CSMD3: variants seen among roughly 807,000 people sequenced by gnomAD.
CSMD3 encodes the protein CUB and Sushi multiple domains 3, also known as CUB and sushi domain-containing protein 3.
Under a neutral mutation model 435.2 loss-of-function variants are expected in CSMD3, and 177 were observed. The observed-to-expected ratio is 0.41, with a 90% CI of 0.36 to 0.46. CSMD3 has a LOEUF of 0.46. Ranked by LOEUF, CSMD3 falls within the 20% of genes least tolerant of loss-of-function variation. The pLI is 0.34. For missense variants in CSMD3, 4,265 were observed against 4,504.6 expected (o/e 0.95, Z 1.52); for synonymous variants, 1,656 against 1,520.5 (o/e 1.09, Z -2.07).
chr8:112,353,870 CA>C (rs1432028678), intron 38 of CSMD3, among the ~76,000 whole-genome samples: 2 of 152,008 alleles, frequency 1.3e-5, no homozygotes, highest in Non-Finnish European at 2.9e-5. Flanking sequence ...AACCTAATAC[CA>C]AAACACGGCA....
At chr8:113,355,125 T>C (rs888964432) in intron 1 of CSMD3, among the ~76,000 whole-genome samples, 26 of 152,224 alleles carry the variant, frequency 1.7e-4, no homozygotes, top group Non-Finnish European at 3.1e-4. Context: ...AATTCATATA[T>C]GAACTTATGT....
intron 14 of CSMD3, among the ~76,000 whole-genome samples, chr8:112,687,052 A>T (rs1013179847): frequency 6.6e-5 from 10 of 152,080 alleles, no homozygotes; most frequent in African/African-American, 2.2e-4. Context: ...TTTGTTCATT[A>T]TTTCCTTGGT....
chr8:113,232,735 G>A (rs2093102615), intron 3 of CSMD3, among the ~76,000 whole-genome samples: 1 of 151,596 alleles, frequency 6.6e-6, no homozygotes, highest in Non-Finnish European at 1.5e-5. Context: ...TATAGCATTT[G>A]ATTACCCGTA....
At chr8:112,452,226 C>T (rs1158021326) in intron 32 of CSMD3, among the ~76,000 whole-genome samples, 1 of 152,118 alleles carries the variant, frequency 6.6e-6, no homozygotes, top group African/African-American at 2.4e-5. Flanking sequence ...TATCTTTGGA[C>T]TTTTCGAAAC....
intron 3 of CSMD3, among the ~76,000 whole-genome samples, chr8:113,264,687 A>G (rs2132376427): frequency 6.6e-6 from 1 of 151,750 alleles, no homozygotes; most frequent in East Asian, 1.9e-4. Context: ...TATTCATTAA[A>G]ATCATAAATA....
chr8:113,330,136 GTATAAA>G (rs1405989572), intron 1 of CSMD3, among the ~76,000 whole-genome samples: 1 of 151,942 alleles, frequency 6.6e-6, no homozygotes, highest in African/African-American at 2.4e-5. Flanking sequence ...AGTTTACAAC[GTATAAA>G]TATAACATTT....
intron 3 of CSMD3, among the ~76,000 whole-genome samples, chr8:113,238,891 T>C (rs983363017): frequency 2.0e-5 from 3 of 152,182 alleles, no homozygotes; most frequent in Admixed American, 6.5e-5. Context: ...GACTGGACCA[T>C]GGGATTCCAA....
chr8:113,042,953 C>T (rs758792533), intron 5 of CSMD3, among the ~76,000 whole-genome samples: 7 of 152,146 alleles, frequency 4.6e-5, no homozygotes, highest in Admixed American at 2.0e-4. Context: ...TTATTTACTC[C>T]TACTTCCTAA....
chr8:112,929,735 A>G (rs184753567), intron 9 of CSMD3, among the ~76,000 whole-genome samples: 4 of 152,100 alleles, frequency 2.6e-5, no homozygotes, highest in Admixed American at 2.6e-4. Flanking sequence ...GCAATAAAAT[A>G]AAGTGCTTTT....
chr8:113,197,636 T>C (rs941015535), intron 3 of CSMD3, among the ~76,000 whole-genome samples: 2 of 151,290 alleles, frequency 1.3e-5, no homozygotes, highest in African/African-American at 4.8e-5. Flanking sequence ...AACATTATTA[T>C]GCCATGCAGA....
chr8:113,300,876 C>A (rs1356548946), intron 2 of CSMD3, among the ~76,000 whole-genome samples: 3 of 151,906 alleles, frequency 2.0e-5, no homozygotes, highest in Non-Finnish European at 4.4e-5. Context: ...ACAAGTGTGA[C>A]AAATGCATAC....
intron 55 of CSMD3, among the ~76,000 whole-genome samples, chr8:112,292,108 A>C (rs1243092049): frequency 1.3e-5 from 2 of 152,074 alleles, no homozygotes; most frequent in Admixed American, 6.6e-5. Context: ...CTATAGATTA[A>C]AAAAATGAAT....
At position 112,289,412 on chromosome 8, in the gene CSMD3, G is replaced by C. The variant is rs2130655310; in HGVS notation, c.9101C>G (p.Thr3034Ser). ...KRSLLGQSSRTCQLNGHWSGS... is the reference protein window; with the variant it reads ...KRSLLGQSSRSCQLNGHWSGS... The stretch of plus-strand genomic sequence containing the variant: ...ACTCCAATGGCCATTCAATTGGCAG[G>C]TTCTTGATGACTGGCCTAAAAGGGA... Residue 3034 changes from threonine to serine, a missense_variant, in exon 57 of 71, where the codon ACC becomes AGC. Physicochemically the swap from Thr to Ser is moderately conservative, Grantham distance 58. Transcript: ENST00000297405. 6.2e-7 allele frequency: 1 copy of C among 1,613,380 alleles called. No homozygotes were observed.
At chr8:112,494,511 CTTTCTT>C (rs1165815445) in intron 30 of CSMD3, among the ~76,000 whole-genome samples, 13 of 73,064 alleles carry the variant, frequency 1.8e-4, no homozygotes, top group African/African-American at 5.4e-4. Flanking sequence ...TTCTTTCTTT[CTTTCTT>C]TCTTTCTTTC....
At chr8:112,906,659 T>G (rs750390290) in intron 10 of CSMD3, among the ~76,000 whole-genome samples, 18 of 151,444 alleles carry the variant, frequency 1.2e-4, no homozygotes, top group Non-Finnish European at 2.1e-4. Context: ...CTCATAAATC[T>G]TTTTTTCACC....
chr8:112,720,599 A>C (rs2076836551), intron 13 of CSMD3, among the ~76,000 whole-genome samples: 1 of 152,096 alleles, frequency 6.6e-6, no homozygotes, highest in Admixed American at 6.6e-5. Flanking sequence ...CTAGGAGTAA[A>C]CTCTGAACTG....
At chr8:113,368,375 C>A (rs2094326361) in intron 1 of CSMD3, among the ~76,000 whole-genome samples, 1 of 152,098 alleles carries the variant, frequency 6.6e-6, no homozygotes, top group Non-Finnish European at 1.5e-5. Flanking sequence ...AATTACTAGA[C>A]TTATCACTGG....
At chr8:113,210,474 G>T (rs926109716) in intron 3 of CSMD3, among the ~76,000 whole-genome samples, 16 of 151,908 alleles carry the variant, frequency 1.1e-4, no homozygotes, top group African/African-American at 3.9e-4. Context: ...AATAATAATA[G>T]CAACTTTCAC....
chr8:112,326,040 A>G (rs766357202), intron 45 of CSMD3, among the ~76,000 whole-genome samples: 12 of 152,178 alleles, frequency 7.9e-5, no homozygotes, highest in Admixed American at 7.9e-4. Context: ...ACAAATAAAT[A>G]ACATAAATAT....
Sources: gnomAD v4.1 joint callset for allele counts (sites outside exome capture counted in the v4.1 genomes callset) on GRCh38, gnomAD v4.1.1 for gene constraint, MANE v1.5 for transcripts, NCBI Gene and HGNC (gene_info 2026-07-23, HGNC 2026-07-21) for gene names.